The following SFMBT1 variants were observed in gnomAD, a reference collection of about 807,000 sequenced individuals.
SFMBT1 encodes the protein Scm like with four mbt domains 1.
Under a neutral mutation model 108.7 loss-of-function variants are expected in SFMBT1, and 32 were observed. That is an observed-to-expected ratio of 0.29 (90% CI 0.22 to 0.40). The LOEUF is 0.40. Among genes scored for constraint, SFMBT1 ranks in the 10% least tolerant of loss-of-function variants. The pLI is 1.00. For missense variants in SFMBT1, 816 were observed against 1,059.6 expected (o/e 0.77, Z 3.19); for synonymous variants, 348 against 369.5 (o/e 0.94, Z 0.67).
intron 4 of SFMBT1, among the ~76,000 whole-genome samples, chr3:52,942,432 T>C (rs1408570898): frequency 1.3e-5 from 2 of 152,228 alleles, no homozygotes; most frequent in Admixed American, 1.3e-4. Context: ...TCTCCAATAA[T>C]TTTCCATATG....
chr3:52,964,692 G>C (rs72961742), intron 2 of SFMBT1, among the ~76,000 whole-genome samples: 4,610 of 152,122 alleles, frequency 0.03, 268 homozygotes, highest in African/African-American at 0.1. Flanking sequence ...TTGCAAGTTT[G>C]GGGGGCAGGA....
At chr3:52,907,512 C>G in intron 18 of SFMBT1, 43 bp downstream of exon 18, 1 of 1,586,022 alleles carries the variant, frequency 6.3e-7, no homozygotes, top group Non-Finnish European at 8.6e-7. Context: ...AAGCAGTGGT[C>G]ACTTGGCTTC....
Position 52,928,639 on chromosome 3 carries a change from T to TATATATATAC in SFMBT1, c.898-299_898-298insGTATATATAT, listed in dbSNP as rs1702753716. 14 of 17,980 alleles carry TATATATATAC rather than the reference T, an allele frequency of 7.8e-4. 1 individual carries two copies. In the East Asian group the frequency reaches 0.15, roughly 193 times the overall value. 1.1% of individuals were successfully genotyped at this position (17,980 alleles called of 1,614,324 possible). A position where few individuals can be genotyped will look rare whatever the true frequency, so the allele number is the denominator to read the frequency against. ...ATATACATATATACATATATATACA[T>TATATATATAC]ATATATATATATATACACATATATA... On this transcript the variant is annotated intron_variant, in intron 8 of 20. Transcript: ENST00000394752.
chr3:53,006,359 G>A (rs1698739461), intron 1 of SFMBT1, among the ~76,000 whole-genome samples: 1 of 152,118 alleles, frequency 6.6e-6, no homozygotes, highest in Non-Finnish European at 1.5e-5. Context: ...GGCCTGGCGC[G>A]GTGGCTCACG....
At chr3:53,019,370 C>A (rs1001429515) in intron 1 of SFMBT1, among the ~76,000 whole-genome samples, 2 of 134,832 alleles carry the variant, frequency 1.5e-5, no homozygotes, top group Non-Finnish European at 3.2e-5. Flanking sequence ...GACTCAGTCA[C>A]TGGTGTGTGT....
In SFMBT1 at chr3:52,945,925, A is replaced by G; in HGVS notation, c.124-2332T>C. ...GCAAAATCTCAAAGGTTCTCCCAGT[A>G]AGATTCTTATTAACTTCAAAGGGGA... is the stretch of plus-strand genomic sequence containing the variant. On this transcript the variant is annotated intron_variant, in intron 3 of 20. Coordinates refer to ENST00000394752, the MANE Select transcript of SFMBT1 (RefSeq NM_016329.4). 1.3e-5 allele frequency among the ~76,000 whole-genome samples: 2 copies of G among 152,322 alleles called. 1 individual carries two copies. The highest frequency in any genetic ancestry group is 6.8e-3 in the Middle Eastern group (2 of 294).
At chr3:52,924,566 C>T (rs920791832) in intron 10 of SFMBT1, among the ~76,000 whole-genome samples, 1 of 151,906 alleles carries the variant, frequency 6.6e-6, no homozygotes, top group Non-Finnish European at 1.5e-5. Flanking sequence ...CTATTGAACC[C>T]GGGAGGCGGA....
At chr3:53,024,095 T>C (rs987623672) in intron 1 of SFMBT1, among the ~76,000 whole-genome samples, 1 of 152,012 alleles carries the variant, frequency 6.6e-6, no homozygotes, top group African/African-American at 2.4e-5. Flanking sequence ...ATAAAACACA[T>C]AGTGTGTAAC....
At position 52,934,870 on chromosome 3, in the gene SFMBT1, C is replaced by T. The variant is rs375911318; in HGVS notation, c.396G>A (p.Glu132=). The T allele has an allele frequency of 8.1e-6, 13 of 1,613,674 alleles. No homozygotes were observed. Among genetic ancestry groups the T allele is most frequent in the Non-Finnish European group, 1.1e-5 (13 of 1,179,780 alleles). The change falls in exon 5 of 21, where the codon GAG becomes GAA. Residue 132 remains glutamate (E), a synonymous_variant. Coordinates refer to ENST00000394752, the MANE Select transcript of SFMBT1 (RefSeq NM_016329.4). ...GIRDKVSDWD[E]FLRQTLIGAC... Reference sequence around the variant, plus strand: ...CTCCTATCAGGGTCTGCCGCAGAAACTCATCCCAGTCAGATACTTTATCTC... The same window carrying T: ...CTCCTATCAGGGTCTGCCGCAGAAATTCATCCCAGTCAGATACTTTATCTC...
At chr3:52,977,432 AC>A (rs1412158346) in intron 1 of SFMBT1, among the ~76,000 whole-genome samples, 2 of 152,110 alleles carry the variant, frequency 1.3e-5, no homozygotes, top group African/African-American at 4.8e-5. Context: ...AATCGCTTGA[AC>A]CCAGGAGGCG....
At chr3:53,021,479 T>C (rs1243913571) in intron 1 of SFMBT1, among the ~76,000 whole-genome samples, 1 of 152,228 alleles carries the variant, frequency 6.6e-6, no homozygotes, top group Non-Finnish European at 1.5e-5. Context: ...TAAATAAAAG[T>C]AAATGCCTCT....
At chr3:52,995,187 A>G (rs1413371244) in intron 1 of SFMBT1, among the ~76,000 whole-genome samples, 4 of 149,808 alleles carry the variant, frequency 2.7e-5, no homozygotes, top group Admixed American at 6.7e-5. Context: ...AAGGTAATTC[A>G]ATGGAAATGG....
chr3:52,990,398 G>A (rs1705080324), intron 1 of SFMBT1, among the ~76,000 whole-genome samples: 2 of 152,184 alleles, frequency 1.3e-5, no homozygotes, highest in Non-Finnish European at 2.9e-5. Flanking sequence ...TCAGATGACA[G>A]AACACTCAGT....
intron 1 of SFMBT1, among the ~76,000 whole-genome samples, chr3:53,027,174 A>G (rs7631487): frequency 0.12 from 17,568 of 152,202 alleles, 2,601 homozygotes; most frequent in African/African-American, 0.34. Context: ...TAGCTTATTA[A>G]AAATTCTTAC....
intron 8 of SFMBT1, 142 bp from the exon 9 acceptor site, chr3:52,928,483 T>C (rs1280222480): frequency 5.1e-6 from 4 of 789,702 alleles, no homozygotes; most frequent in African/African-American, 3.5e-5. Flanking sequence ...CTCTGTGTTA[T>C]GTAATACATA....
intron 14 of SFMBT1, 46 bp from the exon 15 acceptor site, chr3:52,913,663 C>A: frequency 6.3e-7 from 1 of 1,594,034 alleles, no homozygotes; most frequent in Non-Finnish European, 8.5e-7. Flanking sequence ...CATTCTCTAC[C>A]CCACGTTTCC....
chr3:52,980,438 A>C (rs1704670867), intron 1 of SFMBT1, among the ~76,000 whole-genome samples: 1 of 152,172 alleles, frequency 6.6e-6, no homozygotes, highest in Non-Finnish European at 1.5e-5. Flanking sequence ...TGGTTCTTAC[A>C]CATTTTTCAT....
chr3:52,963,914 G>A (rs949179388), intron 2 of SFMBT1, among the ~76,000 whole-genome samples: 1 of 152,144 alleles, frequency 6.6e-6, no homozygotes, highest in Non-Finnish European at 1.5e-5. Flanking sequence ...TAAAAACAAA[G>A]AATAATATTA....
intron 1 of SFMBT1, among the ~76,000 whole-genome samples, chr3:53,017,120 G>A (rs888741722): frequency 2.6e-5 from 4 of 152,178 alleles, no homozygotes; most frequent in Non-Finnish European, 4.4e-5. Flanking sequence ...CAGTAATTCT[G>A]CAAAGTACAT....
Sources: allele counts gnomAD v4.1 joint callset (sites outside exome capture counted in the v4.1 genomes callset), GRCh38; gene constraint gnomAD v4.1.1; transcripts MANE v1.5; gene names NCBI Gene and HGNC (gene_info 2026-07-23, HGNC 2026-07-21).